QPCT: variants seen among roughly 807,000 people sequenced by gnomAD.
The protein encoded by QPCT is glutaminyl-peptide cyclotransferase.
QPCT carries 44 observed loss-of-function variants against 43.4 expected under a neutral mutation model. The observed-to-expected ratio is 1.01, with a 90% CI of 0.80 to 1.30. QPCT has a LOEUF of 1.30. Among genes scored for constraint, QPCT ranks in the 50% most tolerant of loss-of-function variants. The pLI is 0.00. For missense variants in QPCT, 526 were observed against 436.5 expected (o/e 1.21, Z -1.83); for synonymous variants, 168 against 168.4 (o/e 1.00, Z 0.02).
In QPCT at chr2:37,347,231, C is replaced by CATATAT. The variant is rs74216920; in HGVS notation, c.120+2390_120+2395dup. Among the ~76,000 whole-genome samples, 95 of 55,528 alleles carry CATATAT rather than the reference C, an allele frequency of 1.7e-3. 5 individuals are homozygous for CATATAT. In the East Asian group the frequency reaches 0.018, roughly 11 times the overall value. 36.4% of individuals were successfully genotyped at this position (55,528 alleles called of 152,430 possible). On this transcript the variant is annotated intron_variant, in intron 1 of 6. Coordinates refer to ENST00000338415, the MANE Select transcript of QPCT (RefSeq NM_012413.4). ...ACATATATATAACATATATATATAA[C>CATATAT]ATATATATATATATAACATATATAT...
intron 2 of QPCT, among the ~76,000 whole-genome samples, 177 bp from the exon 3 acceptor site, chr2:37,359,403 C>T (rs953691167): frequency 4.6e-5 from 7 of 152,120 alleles, no homozygotes; most frequent in African/African-American, 1.4e-4. Flanking sequence ...AGGACAAATG[C>T]TATTAATTAC....
chr2:37,358,066 A>G (rs1190410155), intron 2 of QPCT, among the ~76,000 whole-genome samples: 1 of 151,938 alleles, frequency 6.6e-6, no homozygotes. Flanking sequence ...GACTTTTTAT[A>G]AAAATAATTT....
At chr2:37,345,790 C>G (rs1430632056) in intron 1 of QPCT, among the ~76,000 whole-genome samples, 2 of 148,190 alleles carry the variant, frequency 1.3e-5, no homozygotes, top group African/African-American at 5.0e-5. Flanking sequence ...AAGCCGAGAT[C>G]GCGCCACTGC....
intron 1 of QPCT, among the ~76,000 whole-genome samples, chr2:37,347,839 A>C (rs1358408290): frequency 2.0e-5 from 3 of 152,168 alleles, no homozygotes; most frequent in East Asian, 3.8e-4. Flanking sequence ...TGAGGGCTTT[A>C]TATGCTCTTT....
At position 37,346,884 on chromosome 2, in the gene QPCT, A is replaced by T. The variant is rs146917317; in HGVS notation, c.120+2033A>T. ...GTCTTTGGTACACTGGTCTGCTAAC[A>T]GGTGAGGTGTGGTAAAGAAAGCATT... On this transcript the variant is annotated intron_variant, in intron 1 of 6. Transcript: ENST00000338415. Among the ~76,000 whole-genome samples the T allele has an allele frequency of 5.3e-5, 8 of 152,034 alleles. No homozygotes were observed. The East Asian group carries it at 1.6e-3, about 30-fold the overall frequency.
intron 1 of QPCT, 89 bp from the exon 2 acceptor site, chr2:37,352,700 G>T: frequency 1.4e-6 from 2 of 1,455,764 alleles, no homozygotes; most frequent in Non-Finnish European, 1.9e-6. Context: ...CCCTTATTTT[G>T]AAGTTTTAAG....
chr2:37,359,522 T>G (rs1672819645), intron 2 of QPCT, 58 bp from the exon 3 acceptor site: 1 of 1,501,794 alleles, frequency 6.7e-7, no homozygotes, highest in Admixed American at 2.1e-5. Flanking sequence ...AGAATCACAG[T>G]TAACAAATGA....
intron 2 of QPCT, among the ~76,000 whole-genome samples, chr2:37,357,878 A>T (rs72864863): frequency 0.083 from 12,461 of 150,814 alleles, 1,488 homozygotes; most frequent in African/African-American, 0.27. Context: ...TGTATTTCTT[A>T]GGAGGAAAAA....
Position 37,352,829 on chromosome 2 carries a change from G to A in QPCT, c.161G>A (p.Arg54Gln), listed in dbSNP as rs542622681. 5.6e-6 allele frequency: 9 copies of A among 1,614,036 alleles called. No individual in the cohort carries two copies. Among genetic ancestry groups the A allele is most frequent in the East Asian group, 4.5e-5 (2 of 44,882 alleles). ...GCCATTTTGAATTCATCGGCTCTTC[G>A]GCAAATTGCAGAAGGCACCAGTATC... ...QPAILNSSAL[R>Q]QIAEGTSISE... Residue 54 changes from arginine (R) to glutamine (Q), a missense_variant, in exon 2 of 7, where the codon CGG (arginine) becomes CAG (glutamine). Coordinates refer to ENST00000338415, the MANE Select transcript of QPCT (RefSeq NM_012413.4).
At chr2:37,371,137 T>C (rs1450142873) in intron 5 of QPCT, among the ~76,000 whole-genome samples, 2 of 152,176 alleles carry the variant, frequency 1.3e-5, no homozygotes, top group Non-Finnish European at 2.9e-5. Flanking sequence ...GTTACTCTAA[T>C]GGTGTTATTA....
At chr2:37,371,270 T>A (rs1673067485) in intron 5 of QPCT, among the ~76,000 whole-genome samples, 2 of 151,994 alleles carry the variant, frequency 1.3e-5, no homozygotes, top group Admixed American at 1.3e-4. Context: ...TGTACCAGAA[T>A]GAACTTATGC....
chr2:37,360,531 C>A (rs893252612), intron 3 of QPCT, among the ~76,000 whole-genome samples: 5 of 152,146 alleles, frequency 3.3e-5, no homozygotes, highest in Non-Finnish European at 5.9e-5. Context: ...CACTCATAAC[C>A]AAGTAAACAC....
In QPCT at chr2:37,359,609, G is replaced by T. The variant is rs748838922; in HGVS notation, c.297G>T (p.Gln99His). The T allele has an allele frequency of 1.2e-6, 2 of 1,613,942 alleles. No individual in the cohort carries two copies. Among genetic ancestry groups the T allele is most frequent in the Admixed American group, 1.7e-5 (1 of 59,992 alleles). ...QHIMQRIQRL[Q>H]ADWVLEIDTF... ...TCATGCAGCGAATTCAGAGGCTTCA[G>T]GCTGACTGGGTCTTGGAAATAGACA... Residue 99 changes from glutamine (Q) to histidine (H), a missense_variant, in exon 3 of 7, where the codon CAG (glutamine) becomes CAT (histidine). By Grantham distance (24) the Gln-to-His change is conservative. Transcript: ENST00000338415.
chr2:37,354,091 C>T (rs1226449647), intron 2 of QPCT, among the ~76,000 whole-genome samples: 4 of 152,228 alleles, frequency 2.6e-5, no homozygotes, highest in African/African-American at 9.6e-5. Context: ...TCTCTTATCT[C>T]CTGACCTCGT....
intron 3 of QPCT, among the ~76,000 whole-genome samples, chr2:37,365,855 T>C (rs185947089): frequency 6.6e-6 from 1 of 152,160 alleles, no homozygotes; most frequent in Admixed American, 6.5e-5. Flanking sequence ...ACTAAGAAAA[T>C]ACAAATGACT....
chr2:37,353,036 C>A (rs1222236564), intron 2 of QPCT, 101 bp downstream of exon 2: 2 of 1,321,772 alleles, frequency 1.5e-6, no homozygotes, highest in Non-Finnish European at 2.0e-6. Context: ...ATATTCAGAT[C>A]TGTCATCTCC....
At chr2:37,354,635 G>C (rs1672703151) in intron 2 of QPCT, among the ~76,000 whole-genome samples, 1 of 152,146 alleles carries the variant, frequency 6.6e-6, no homozygotes. Context: ...TCCAGCTCTC[G>C]ATCTTCTCAA....
intron 3 of QPCT, among the ~76,000 whole-genome samples, chr2:37,361,386 C>G (rs1262575242): frequency 1.3e-5 from 2 of 152,214 alleles, no homozygotes; most frequent in African/African-American, 4.8e-5. Flanking sequence ...CATCCACATC[C>G]TTTGCCTGGT....
At chr2:37,357,634 A>G (rs1672776267) in intron 2 of QPCT, among the ~76,000 whole-genome samples, 1 of 152,240 alleles carries the variant, frequency 6.6e-6, no homozygotes, top group South Asian at 2.1e-4. Context: ...TACTGCATGC[A>G]CAATGCTATT....
Sources: allele counts gnomAD v4.1 joint callset (sites outside exome capture counted in the v4.1 genomes callset), GRCh38; gene constraint gnomAD v4.1.1; transcripts MANE v1.5; gene names NCBI Gene and HGNC (gene_info 2026-07-23, HGNC 2026-07-21).